Variants in COL3A1 observed in about 807,000 individuals in gnomAD.
COL3A1 encodes the protein collagen type III alpha 1 chain, also known as collagen alpha-1(III) chain.
In COL3A1, 46 loss-of-function variants were observed where a neutral mutation model predicts 200.9. That is an observed-to-expected ratio of 0.23 (90% CI 0.18 to 0.29). The LOEUF is 0.29. Ranked by LOEUF, COL3A1 falls within the 10% of genes least tolerant of loss-of-function variation. The probability of loss-of-function intolerance (pLI) is 1.00; values close to 1 mark genes in which losing one functional copy is unlikely to be tolerated. For missense variants in COL3A1, 1,367 were observed against 1,917.6 expected, an observed-to-expected ratio of 0.71 and a Z score of 5.36; for synonymous variants, 650 against 628.0, an observed-to-expected ratio of 1.03 and a Z score of -0.52.
intron 40 of COL3A1, among the ~76,000 whole-genome samples, chr2:189,004,602 C>T (rs1466500683): frequency 6.6e-6 from 1 of 152,056 alleles, no homozygotes; most frequent in Non-Finnish European, 1.5e-5. Context: ...ATGATGAAAA[C>T]AATATTGCCA....
chr2:188,981,938 GT>G (rs903635129), intron 1 of COL3A1, among the ~76,000 whole-genome samples: 1 of 151,602 alleles, frequency 6.6e-6, no homozygotes, highest in Non-Finnish European at 1.5e-5. Context: ...TCAGCCACAA[GT>G]TTTTACAGGA....
chr2:188,999,874 C>T lies in COL3A1; in HGVS notation c.2262C>T (p.Val754=). ...GEPGGPGADG[V]PGKDGPRGPT... is the part of the protein sequence containing the mutation. ...CAGGCGGTCCAGGTGCTGATGGTGT[C>T]CCAGGGAAAGATGGCCCAAGGGTGA... is the stretch of plus-strand genomic sequence containing the variant. Residue 754 remains valine (V), a synonymous_variant, in exon 32 of 51, where the codon GTC becomes GTT. Coordinates refer to ENST00000304636, the MANE Select transcript of COL3A1 (RefSeq NM_000090.4). 1 of 1,593,976 alleles carries T rather than the reference C, an allele frequency of 6.3e-7. No homozygotes were observed. Among genetic ancestry groups the T allele is most frequent in the South Asian group, 1.1e-5 (1 of 87,126 alleles).
chr2:189,004,707 A>G (rs188566381), intron 40 of COL3A1, among the ~76,000 whole-genome samples: 1 of 152,246 alleles, frequency 6.6e-6, no homozygotes, highest in Admixed American at 6.5e-5. Flanking sequence ...TAGATCTTGG[A>G]AAGTCTTTCA....
At chr2:189,004,960 A>G (rs1192599310) in intron 40 of COL3A1, among the ~76,000 whole-genome samples, 1 of 152,198 alleles carries the variant, frequency 6.6e-6, no homozygotes, top group East Asian at 1.9e-4. Flanking sequence ...TTGATATGAT[A>G]TTTCTGGTAA....
intron 40 of COL3A1, 90 bp downstream of exon 40, chr2:189,004,454 T>C (rs1245168440): frequency 1.7e-6 from 2 of 1,205,488 alleles, no homozygotes; most frequent in African/African-American, 1.5e-5. Flanking sequence ...AGTTTTTCTG[T>C]CACTGGAGTA....
intron 9 of COL3A1, 67 bp downstream of exon 9, chr2:188,990,216 T>G: frequency 6.3e-7 from 1 of 1,587,826 alleles, no homozygotes; most frequent in Non-Finnish European, 8.6e-7. Flanking sequence ...TGTAATTCAA[T>G]GGAATTAAAC....
chr2:188,986,336 T>C (rs1688063885), intron 4 of COL3A1, among the ~76,000 whole-genome samples: 1 of 152,048 alleles, frequency 6.6e-6, no homozygotes, highest in Non-Finnish European at 1.5e-5. Context: ...AAATTTCTGT[T>C]GCATGGAATT....
At chr2:189,001,642 C>A (rs946023630) in intron 34 of COL3A1, 53 bp downstream of exon 34, 1 of 1,593,068 alleles carries the variant, frequency 6.3e-7, no homozygotes, top group Admixed American at 1.7e-5. Flanking sequence ...CAGACAGTAG[C>A]TACTTATGCT....
chr2:189,004,898 A>G (rs1168900243), intron 40 of COL3A1, among the ~76,000 whole-genome samples: 1 of 152,208 alleles, frequency 6.6e-6, no homozygotes, highest in Non-Finnish European at 1.5e-5. Flanking sequence ...TTTCAACAAA[A>G]TGTTATGTAA....
chr2:188,991,084 C>T (rs1453911328), intron 11 of COL3A1, 27 bp downstream of exon 11: 1 of 1,601,462 alleles, frequency 6.2e-7, no homozygotes, highest in East Asian at 2.2e-5. Context: ...ATCATATTTT[C>T]ATAAGTAAAT....
At chr2:189,003,585 A>G in intron 37 of COL3A1, 121 bp downstream of exon 37, 1 of 1,327,690 alleles carries the variant, frequency 7.5e-7, no homozygotes, top group Non-Finnish European at 1.1e-6. Context: ...GCTCATTCAT[A>G]CATGAGTTAT....
chr2:189,003,817 A>G, intron 38 of COL3A1, 30 bp downstream of exon 38: 5 of 1,611,038 alleles, frequency 3.1e-6, no homozygotes, highest in Non-Finnish European at 3.4e-6. Context: ...TTTTCTCATC[A>G]TACACTTCAG....
intron 48 of COL3A1, among the ~76,000 whole-genome samples, chr2:189,009,832 T>C: frequency 6.6e-6 from 1 of 152,186 alleles, no homozygotes; most frequent in Non-Finnish European, 1.5e-5. Context: ...TTGGAACAAA[T>C]CTAGGTTAGA....
chr2:189,011,579 C>G (rs1038827066), intron 50 of COL3A1, 49 bp from the exon 51 acceptor site: 2 of 1,611,076 alleles, frequency 1.2e-6, no homozygotes, highest in Admixed American at 1.7e-5. Context: ...TCAGAGTTGT[C>G]TAAGTAATTG....
At chr2:189,005,982 A>G (rs1208337239) in intron 41 of COL3A1, among the ~76,000 whole-genome samples, 2 of 151,852 alleles carry the variant, frequency 1.3e-5, no homozygotes, top group Non-Finnish European at 2.9e-5. Context: ...CTCTTTTTGG[A>G]TATCATTTTT....
At chr2:188,992,276 T>C (rs762826279) in intron 14 of COL3A1, 48 bp downstream of exon 14, 6 of 1,523,970 alleles carry the variant, frequency 3.9e-6, no homozygotes, top group South Asian at 1.1e-5. Flanking sequence ...TGAGAAGTTA[T>C]GGATTGTGGA....
intron 4 of COL3A1, among the ~76,000 whole-genome samples, chr2:188,986,528 A>G (rs1032095764): frequency 6.6e-6 from 1 of 152,104 alleles, no homozygotes; most frequent in African/African-American, 2.4e-5. Context: ...TCTAATAAGC[A>G]TATGAGCCTT....
intron 39 of COL3A1, 42 bp from the exon 40 acceptor site, chr2:189,004,215 C>A: frequency 6.2e-7 from 1 of 1,603,936 alleles, no homozygotes; most frequent in Non-Finnish European, 8.5e-7. Context: ...GAGAAAAACA[C>A]TGTCACATAA....
At chr2:189,000,656 A>G (rs556978463) in intron 32 of COL3A1, among the ~76,000 whole-genome samples, 1 of 152,296 alleles carries the variant, frequency 6.6e-6, no homozygotes, top group South Asian at 2.1e-4. Flanking sequence ...AACATGCTCT[A>G]TGGATGGTAT....
Sources: gnomAD v4.1 joint callset for allele counts (sites outside exome capture counted in the v4.1 genomes callset) on GRCh38, gnomAD v4.1.1 for gene constraint, MANE v1.5 for transcripts, NCBI Gene and HGNC (gene_info 2026-07-23, HGNC 2026-07-21) for gene names.